The following HAPLN3 variants were observed in gnomAD, a reference collection of about 807,000 sequenced individuals.
HAPLN3 encodes extracellular link domain containing, 1.
HAPLN3 carries 28 observed loss-of-function variants against 28.1 expected under a neutral mutation model. The observed-to-expected ratio is 1.00, with a 90% confidence interval of 0.74 to 1.37. HAPLN3 has a LOEUF of 1.37. HAPLN3 is among the 40% of genes most tolerant of loss of function. The pLI, the probability that HAPLN3 is intolerant of heterozygous loss-of-function variation, is 0.00. For missense variants in HAPLN3, 513 were observed against 504.6 expected (o/e 1.02, Z -0.16); for synonymous variants, 211 against 213.1 (o/e 0.99, Z 0.09).
At chr15:88,884,154 C>T (rs1302504014) in intron 2 of HAPLN3, among the ~76,000 whole-genome samples, 1 of 151,916 alleles carries the variant, frequency 6.6e-6, no homozygotes, top group East Asian at 1.9e-4. Context: ...TTATATATGA[C>T]TTTGCTTACA....
intron 1 of HAPLN3, among the ~76,000 whole-genome samples, chr15:88,893,509 A>G (rs962018629): frequency 6.6e-6 from 1 of 152,092 alleles, no homozygotes; most frequent in Middle Eastern, 3.2e-3. Flanking sequence ...TGAACATGGC[A>G]AAGATTTCAG....
At chr15:88,882,349 C>T (rs568031731) in intron 2 of HAPLN3, among the ~76,000 whole-genome samples, 1 of 152,274 alleles carries the variant, frequency 6.6e-6, no homozygotes, top group African/African-American at 2.4e-5. Flanking sequence ...ATGGAGCAGG[C>T]AACAAGAGCC....
At chr15:88,894,202 CTG>C (rs1343382858) in intron 1 of HAPLN3, among the ~76,000 whole-genome samples, 5 of 152,168 alleles carry the variant, frequency 3.3e-5, no homozygotes, top group African/African-American at 1.2e-4. Context: ...GTTGAGGAAA[CTG>C]AGGCCAAGAG....
intron 1 of HAPLN3, among the ~76,000 whole-genome samples, chr15:88,894,549 C>T (rs1480089493): frequency 6.6e-6 from 1 of 152,130 alleles, no homozygotes; most frequent in Non-Finnish European, 1.5e-5. Flanking sequence ...CCTTTGAAAC[C>T]TGCAGCCCCC....
Position 88,877,941 on chromosome 15 carries a change from G to A in HAPLN3, c.*29C>T. 2 of 1,557,880 alleles carry A rather than the reference G, an allele frequency of 1.3e-6. No homozygotes were observed. Among genetic ancestry groups the A allele is most frequent in the East Asian group, 2.3e-5 (1 of 44,308 alleles). The stretch of plus-strand genomic sequence containing the variant: ...CACTCAATAAATACACAGCCAGTGA[G>A]GGAATGCGGCAGGGGAGGGCCCCAG... On this transcript the variant is annotated 3_prime_UTR_variant, in exon 5 of 5. Coordinates refer to ENST00000359595, the MANE Select transcript of HAPLN3 (RefSeq NM_178232.4). The surrounding 1 kb of genome is among the most constrained non-coding windows in gnomAD (Gnocchi z 5.1).
At chr15:88,878,326 G>C in intron 4 of HAPLN3, 70 bp from the exon 5 acceptor site, 1 of 1,424,898 alleles carries the variant, frequency 7.0e-7, no homozygotes, top group Non-Finnish European at 9.6e-7. Flanking sequence ...GGTCTGCAGA[G>C]ATGCCAGCCC....
At chr15:88,887,465 A>T in intron 1 of HAPLN3, 120 bp from the exon 2 acceptor site, 1 of 858,334 alleles carries the variant, frequency 1.2e-6, no homozygotes, top group Non-Finnish European at 1.8e-6. Context: ...CCTGCCGCCT[A>T]CGTGCCAGAC....
In HAPLN3 at chr15:88,881,234, G is replaced by A; in HGVS notation, c.493+123C>T. 7.8e-7 allele frequency: 1 copy of A among 1,288,488 alleles called. No individual in the cohort carries two copies. Among genetic ancestry groups the A allele is most frequent in the Non-Finnish European group, 1.1e-6 (1 of 944,476 alleles). The allele number at this position is 1,288,488 out of a possible 1,614,324, so 79.8% of individuals were successfully genotyped here. A position where few individuals can be genotyped will look rare whatever the true frequency, so the allele number is the denominator to read the frequency against. ...TGGGGGTCACAACAGTAGCTTCCAT[G>A]TGGGTTGTTTTGAGAATTAAGTACT... On this transcript the variant is annotated intron_variant, in intron 3 of 4. Coordinates refer to ENST00000359595, the MANE Select transcript of HAPLN3 (RefSeq NM_178232.4). The surrounding 1 kb of genome is among the most constrained non-coding windows in gnomAD (Gnocchi z 6.0).
rs938605 is a variant in HAPLN3 at position 88,881,350 on chromosome 15, A to G, written c.493+7T>C. 289,033 of 1,605,920 alleles carry G rather than the reference A, an allele frequency of 0.18. 27,829 individuals are homozygous for G. The highest frequency in any genetic ancestry group is 0.33 in the African/African-American group (24,500 of 74,824). On this transcript the variant is annotated splice_region_variant and intron_variant, in intron 3 of 4. Transcript: ENST00000359595. This position sits in a 1 kb window ranked among gnomAD's most constrained non-coding sequence, Gnocchi z 6.0. ...CCAGTGTCACCCAGTCCCCGTTAGCATCTCACCCCGCAGCTCCAGCTCCAC... is the reference window on the plus strand; with the variant it reads ...CCAGTGTCACCCAGTCCCCGTTAGCGTCTCACCCCGCAGCTCCAGCTCCAC...
chr15:88,878,209 CCT>C lies in HAPLN3; in HGVS notation c.842_843del (p.Glu281GlyfsTer9), dbSNP rs1567198400. The C allele has an allele frequency of 6.2e-7, 1 of 1,614,058 alleles. No individual in the cohort carries two copies. Among genetic ancestry groups the C allele is most frequent in the South Asian group, 1.1e-5 (1 of 91,074 alleles). ...TCATCTTCCTGGCAGGCCTCCCTTG[CCT>C]CTGTCAGCGTCAGCTTCTCAGGGTG... The part of the protein sequence containing the change: ...LEHPEKLTLT[E>X]AREACQEDDA... On this transcript the variant is annotated frameshift_variant, in exon 5 of 5. Coordinates refer to ENST00000359595, the MANE Select transcript of HAPLN3 (RefSeq NM_178232.4). LOFTEE classifies it low-confidence loss of function (END_TRUNC).
rs1342916354 is a variant in HAPLN3 at position 88,879,429 on chromosome 15, T to C, written c.494-160A>G. On this transcript the variant is annotated intron_variant, in intron 3 of 4. Transcript: ENST00000359595. This position sits in a 1 kb window ranked among gnomAD's most constrained non-coding sequence, Gnocchi z 5.0. ...AGCAAACCTCTGACCTCCTGTCCGTTGCCGCCTCTCTCCTGGGACTCAGCT... is the reference window on the plus strand; with the variant it reads ...AGCAAACCTCTGACCTCCTGTCCGTCGCCGCCTCTCTCCTGGGACTCAGCT... The C allele has an allele frequency of 6.5e-7, 1 of 1,534,824 alleles. No homozygotes were observed. The highest frequency in any genetic ancestry group is 8.7e-7 in the Non-Finnish European group (1 of 1,146,884).
rs1016028262 is a variant in HAPLN3, at chr15:88,895,444, C to G, written c.-48+15G>C. ...CACACAGCCCCAGAAGCCCAGCGAC[C>G]CCTAAGCCACGTACCGTCCCCAGGC... On this transcript the variant is annotated intron_variant, in intron 1 of 4. Transcript: ENST00000359595. The surrounding 1 kb of genome is among the most constrained non-coding windows in gnomAD (Gnocchi z 5.5). The G allele has an allele frequency of 1.3e-5, 2 of 152,374 alleles. No individual in the cohort carries two copies. Among genetic ancestry groups the G allele is most frequent in the African/African-American group, 4.8e-5 (2 of 41,440 alleles). The allele number at this position is 152,374 out of a possible 1,614,324, so 9.4% of individuals were successfully genotyped here.
chr15:88,878,866 G>A, intron 4 of HAPLN3, 101 bp downstream of exon 4: 1 of 1,286,606 alleles, frequency 7.8e-7, no homozygotes, highest in Non-Finnish European at 1.1e-6. Context: ...GGCAGTACCA[G>A]CAGAGCCAGC....
chr15:88,880,120 G>C lies in HAPLN3; in HGVS notation c.494-851C>G. The C allele has an allele frequency of 9.1e-6, 9 of 992,952 alleles. No homozygotes were observed. The highest frequency in any genetic ancestry group is 8.4e-6 in the Non-Finnish European group (7 of 834,862). The allele number at this position is 992,952 out of a possible 1,614,324, so 61.5% of individuals were successfully genotyped here. On this transcript the variant is annotated intron_variant, in intron 3 of 4. Coordinates refer to ENST00000359595, the MANE Select transcript of HAPLN3 (RefSeq NM_178232.4). This position sits in a 1 kb window ranked among gnomAD's most constrained non-coding sequence, Gnocchi z 6.0. ...GGTTGGGCGGCAGAGAAGCCCATGGGCCCTGACAGTCAGCTTGCAGCCTCT... is the reference window on the plus strand; with the variant it reads ...GGTTGGGCGGCAGAGAAGCCCATGGCCCCTGACAGTCAGCTTGCAGCCTCT...
In HAPLN3 at chr15:88,879,251, T is replaced by G; in HGVS notation, c.512A>C (p.Gln171Pro). 2 of 1,606,696 alleles carry G rather than the reference T, an allele frequency of 1.2e-6. No homozygotes were observed. The highest frequency in any genetic ancestry group is 1.7e-6 in the Non-Finnish European group (2 of 1,175,692). The change falls in exon 4 of 5, where the codon CAG becomes CCG. Residue 171 changes from glutamine to proline, a missense_variant. Coordinates refer to ENST00000359595, the MANE Select transcript of HAPLN3 (RefSeq NM_178232.4). The surrounding 1 kb of genome is among the most constrained non-coding windows in gnomAD (Gnocchi z 5.0). ...GAACTGGTAGCGCCCGTTGGGGGACTGGTAAGGAAAGACCACACCTGCAGG... is the reference window on the plus strand; with the variant it reads ...GAACTGGTAGCGCCCGTTGGGGGACGGGTAAGGAAAGACCACACCTGCAGG... ...LELRGVVFPY[Q>P]SPNGRYQFNF...
At chr15:88,878,291 A>AG (rs1446189240) in intron 4 of HAPLN3, 35 bp from the exon 5 acceptor site, 3 of 1,573,972 alleles carry the variant, frequency 1.9e-6, no homozygotes, top group Non-Finnish European at 8.6e-7. Context: ...CGTACAGCGC[A>AG]GGGGGCAGCC....
Position 88,881,080 on chromosome 15 carries a change from G to A in HAPLN3, c.493+277C>T, listed in dbSNP as rs1044521728. On this transcript the variant is annotated intron_variant, in intron 3 of 4. Transcript: ENST00000359595. The surrounding 1 kb of genome is among the most constrained non-coding windows in gnomAD (Gnocchi z 6.0). ...CTCTCTGAATGAGATGTGAATTACAGCGGGTAGAGGGGAACAGATTCTAGA... is the reference window on the plus strand; with the variant it reads ...CTCTCTGAATGAGATGTGAATTACAACGGGTAGAGGGGAACAGATTCTAGA... 4 of 477,898 alleles carry A rather than the reference G, an allele frequency of 8.4e-6. No homozygotes were observed. Among genetic ancestry groups the A allele is most frequent in the African/African-American group, 5.9e-5 (3 of 50,884 alleles). 29.6% of individuals were successfully genotyped at this position (477,898 alleles called of 1,614,324 possible). A position where few individuals can be genotyped will look rare whatever the true frequency, so the allele number is the denominator to read the frequency against.
At chr15:88,890,096 T>C (rs1897973253) in intron 1 of HAPLN3, among the ~76,000 whole-genome samples, 1 of 152,050 alleles carries the variant, frequency 6.6e-6, no homozygotes, top group Admixed American at 6.6e-5. Context: ...ACACACAGCA[T>C]TGGCTTGTTA....
Position 88,892,859 on chromosome 15 carries a change from G to A in HAPLN3, c.-48+2600C>T, listed in dbSNP as rs111903087. The A allele has an allele frequency of 4.1e-4, 477 of 1,162,984 alleles. 6 individuals carry two copies. In the African/African-American group the frequency reaches 6.4e-3, roughly 16 times the overall value. The allele number at this position is 1,162,984 out of a possible 1,614,324, so 72.0% of individuals were successfully genotyped here. A position where few individuals can be genotyped will look rare whatever the true frequency, so the allele number is the denominator to read the frequency against. ...ACCATCCCTGACCACTACCACTGAG[G>A]GGAGGGATGGGTAGCCTCTGCTCCC... On this transcript the variant is annotated intron_variant, in intron 1 of 4. Transcript: ENST00000359595.
Sources: gnomAD v4.1 joint callset for allele counts (sites outside exome capture counted in the v4.1 genomes callset) on GRCh38, gnomAD v4.1.1 for gene constraint, Gnocchi (gnomAD v3.1) non-coding constraint, MANE v1.5 for transcripts, NCBI Gene and HGNC (gene_info 2026-07-23, HGNC 2026-07-21) for gene names.